The following MAP6 variants were observed in gnomAD, a reference collection of about 807,000 sequenced individuals.
MAP6 encodes the protein microtubule-associated protein 6.
In MAP6, 26 loss-of-function variants were observed where a neutral mutation model predicts 42.4. The ratio of observed to expected loss-of-function variants is 0.61; its 90% CI spans 0.45 to 0.85. MAP6 has a LOEUF of 0.85. Among genes scored for constraint, MAP6 ranks in the 40% least tolerant of loss-of-function variants. The pLI is 0.00. For synonymous variants in MAP6, 418 were observed against 443.8 expected, an observed-to-expected ratio of 0.94 and a Z score of 0.73; for missense variants, 966 against 1,099.0, an observed-to-expected ratio of 0.88 and a Z score of 1.71.
chr11:75,620,774 A>G (rs994611888), intron 1 of MAP6, among the ~76,000 whole-genome samples: 1 of 152,216 alleles, frequency 6.6e-6, no homozygotes, highest in African/African-American at 2.4e-5. Context: ...AATTAGGATA[A>G]TACATCATAC....
chr11:75,666,959 G>A (rs1053937459), intron 1 of MAP6, among the ~76,000 whole-genome samples: 1 of 152,160 alleles, frequency 6.6e-6, no homozygotes, highest in African/African-American at 2.4e-5. Flanking sequence ...CTAGAAAAAG[G>A]TATGGTGCTT....
chr11:75,629,303 GTCTC>G, intron 1 of MAP6, among the ~76,000 whole-genome samples: 1 of 152,140 alleles, frequency 6.6e-6, no homozygotes, highest in East Asian at 1.9e-4. Context: ...GGTCAGGCTG[GTCTC>G]CAACTCCTGG....
At chr11:75,666,513 A>G (rs1943950052) in intron 1 of MAP6, among the ~76,000 whole-genome samples, 2 of 152,056 alleles carry the variant, frequency 1.3e-5, no homozygotes, top group South Asian at 4.1e-4. Context: ...AAGGAGAGAG[A>G]AAGAAGATGC....
At chr11:75,608,695 T>C (rs1942827690) in intron 1 of MAP6, among the ~76,000 whole-genome samples, 1 of 152,212 alleles carries the variant, frequency 6.6e-6, no homozygotes, top group Admixed American at 6.5e-5. Context: ...GTGCCTGCTA[T>C]GTGCAAAGTT....
intron 1 of MAP6, among the ~76,000 whole-genome samples, chr11:75,621,087 T>G (rs1343951917): frequency 2.0e-5 from 3 of 150,590 alleles, no homozygotes; most frequent in African/African-American, 7.3e-5. Context: ...GCCAAGGTTG[T>G]GCCACTGCAC....
chr11:75,644,641 G>A (rs1943526138), intron 1 of MAP6, among the ~76,000 whole-genome samples: 2 of 152,046 alleles, frequency 1.3e-5, no homozygotes, highest in Admixed American at 1.3e-4. Flanking sequence ...AATAGACTAT[G>A]ACAAAAACTT....
intron 1 of MAP6, among the ~76,000 whole-genome samples, chr11:75,633,330 C>T (rs61895129): frequency 2.0e-5 from 3 of 152,188 alleles, no homozygotes; most frequent in African/African-American, 2.4e-5. Context: ...ACTCCTCTGA[C>T]GGATACTCTG....
At chr11:75,648,078 G>A (rs556534636) in intron 1 of MAP6, among the ~76,000 whole-genome samples, 3 of 152,084 alleles carry the variant, frequency 2.0e-5, no homozygotes, top group African/African-American at 2.4e-5. Flanking sequence ...GACAAATAAC[G>A]GATTTGGGAT....
At chr11:75,628,277 G>T (rs952572849) in intron 1 of MAP6, among the ~76,000 whole-genome samples, 7 of 152,206 alleles carry the variant, frequency 4.6e-5, no homozygotes, top group Non-Finnish European at 7.3e-5. Context: ...GGATGCTGGG[G>T]GTGAGGAAGG....
At chr11:75,636,542 G>T (rs1943372513) in intron 1 of MAP6, among the ~76,000 whole-genome samples, 1 of 152,090 alleles carries the variant, frequency 6.6e-6, no homozygotes, top group South Asian at 2.1e-4. Context: ...ATACACCCCA[G>T]GACTAGCCAA....
chr11:75,632,107 T>C (rs567773923), intron 1 of MAP6, among the ~76,000 whole-genome samples: 1 of 152,332 alleles, frequency 6.6e-6, no homozygotes, highest in South Asian at 2.1e-4. Flanking sequence ...CTCTGTGACA[T>C]TAGAGGCAAG....
chr11:75,612,171 A>G (rs1185271643), intron 1 of MAP6, among the ~76,000 whole-genome samples: 3 of 152,276 alleles, frequency 2.0e-5, no homozygotes, highest in Non-Finnish European at 1.5e-5. Context: ...GCCTCTTGAC[A>G]GAAATTCATG....
At chr11:75,645,191 G>A (rs895212599) in intron 1 of MAP6, among the ~76,000 whole-genome samples, 4 of 152,114 alleles carry the variant, frequency 2.6e-5, no homozygotes, top group East Asian at 1.9e-4. Context: ...CAGCTCTAAC[G>A]GCAAGGCAAG....
chr11:75,597,142 G>A (rs1213802239), intron 3 of MAP6: 3 of 152,182 alleles, frequency 2.0e-5, no homozygotes, highest in African/African-American at 7.2e-5. Flanking sequence ...GTGTGTAAAG[G>A]CCAAGTAAAG....
intron 3 of MAP6, among the ~76,000 whole-genome samples, chr11:75,601,565 C>T (rs551806038): frequency 1.3e-5 from 2 of 152,208 alleles, no homozygotes; most frequent in Non-Finnish European, 2.9e-5. Flanking sequence ...CAATAAAAGT[C>T]CACCCTAGGG....
At chr11:75,618,474 G>A (rs1380185570) in intron 1 of MAP6, among the ~76,000 whole-genome samples, 2 of 152,112 alleles carry the variant, frequency 1.3e-5, no homozygotes, top group Non-Finnish European at 2.9e-5. Context: ...AGGCATGGTG[G>A]TGGGCGCCTG....
intron 1 of MAP6, among the ~76,000 whole-genome samples, chr11:75,619,777 C>T (rs892647521): frequency 8.5e-5 from 13 of 152,180 alleles, no homozygotes; most frequent in Non-Finnish European, 1.3e-4. Flanking sequence ...AATAGTGCTG[C>T]GGTGAACATA....
chr11:75,624,454 GC>G (rs899530461), intron 1 of MAP6, among the ~76,000 whole-genome samples: 3 of 152,068 alleles, frequency 2.0e-5, no homozygotes, highest in African/African-American at 7.2e-5. Flanking sequence ...AAGGCTGGAG[GC>G]CCCCTGGCTC....
At chr11:75,651,867 C>T (rs935495041) in intron 1 of MAP6, among the ~76,000 whole-genome samples, 3 of 152,164 alleles carry the variant, frequency 2.0e-5, no homozygotes, top group Non-Finnish European at 4.4e-5. Context: ...CTTGGTAACA[C>T]AGTATTCTGT....
Sources: gnomAD v4.1 joint callset for allele counts (sites outside exome capture counted in the v4.1 genomes callset) on GRCh38, gnomAD v4.1.1 for gene constraint, MANE v1.5 for transcripts, NCBI Gene and HGNC (gene_info 2026-07-23, HGNC 2026-07-21) for gene names.